Variants in DAB1 observed in about 807,000 individuals in gnomAD.
The protein encoded by DAB1 is DAB adaptor protein 1.
A neutral mutation model predicts 64.6 loss-of-function variants in DAB1; 15 were observed. The observed-to-expected ratio is 0.23, with a 90% CI of 0.16 to 0.36. DAB1 has a LOEUF of 0.36. Ranked by LOEUF, DAB1 falls within the 10% of genes least tolerant of loss-of-function variation. The pLI, the probability that DAB1 is intolerant of heterozygous loss-of-function variation, is 1.00. For synonymous variants in DAB1, 235 were observed against 251.9 expected (o/e 0.93, Z 0.64); for missense variants, 596 against 706.7 (o/e 0.84, Z 1.78).
intron 4 of DAB1, among the ~76,000 whole-genome samples, chr1:57,122,899 T>C (rs1656788853): frequency 6.6e-6 from 1 of 152,108 alleles, no homozygotes; most frequent in African/African-American, 2.4e-5. Context: ...TAATGTGCAT[T>C]CTCTCTCCCT....
chr1:57,210,859 T>C lies in DAB1; in HGVS notation c.68-65430A>G, dbSNP rs184331099. ...AGTTTTCACTGCCTATGCATGTGTA[T>C]GCATGTATATGAATACATCCATACA... On this transcript the variant is annotated intron_variant, in intron 2 of 14. Transcript: ENST00000371236. Among the ~76,000 whole-genome samples the C allele has an allele frequency of 3.9e-5, 6 of 152,380 alleles. No homozygotes were observed. In the East Asian group the frequency reaches 1.2e-3, roughly 29 times the overall value.
chr1:58,422,562 G>A (rs706423), intron 3 of DAB1, among the ~76,000 whole-genome samples: 86,227 of 150,566 alleles, frequency 0.57, 25,381 homozygotes, highest in African/African-American at 0.7. Context: ...TCACGGTCAG[G>A]AAGCTATGTG....
At chr1:58,200,396 A>T (rs1357555230) in intron 4 of DAB1, among the ~76,000 whole-genome samples, 4 of 152,144 alleles carry the variant, frequency 2.6e-5, no homozygotes, top group Non-Finnish European at 5.9e-5. Flanking sequence ...TCCTTTCCAA[A>T]TCTAATACAT....
At chr1:58,339,161 C>T (rs1432306758) in intron 4 of DAB1, among the ~76,000 whole-genome samples, 2 of 151,968 alleles carry the variant, frequency 1.3e-5, no homozygotes, top group Admixed American at 6.6e-5. Flanking sequence ...TATATGAATT[C>T]TATGTAATTT....
chr1:57,357,843 G>C (rs1334085005), intron 1 of DAB1, among the ~76,000 whole-genome samples: 1 of 151,762 alleles, frequency 6.6e-6, no homozygotes, highest in African/African-American at 2.4e-5. Context: ...GTACTGCATG[G>C]GGGTAACCAT....
intron 1 of DAB1, among the ~76,000 whole-genome samples, chr1:57,370,556 G>C (rs1191293751): frequency 6.6e-6 from 1 of 151,626 alleles, no homozygotes; most frequent in African/African-American, 2.4e-5. Context: ...TTATTGGGGT[G>C]AGGGAGAGAA....
chr1:57,771,273 C>T (rs1649548971), intron 6 of DAB1, among the ~76,000 whole-genome samples: 1 of 152,078 alleles, frequency 6.6e-6, no homozygotes, highest in South Asian at 2.1e-4. Flanking sequence ...ATTTGTAATT[C>T]ATAAAAGCTA....
chr1:57,093,170 T>C (rs1354250169), intron 4 of DAB1, among the ~76,000 whole-genome samples: 1 of 152,126 alleles, frequency 6.6e-6, no homozygotes, highest in African/African-American at 2.4e-5. Context: ...TGGACCTGGG[T>C]TCTGGTGGGG....
chr1:58,429,540 A>C (rs1488567706), intron 3 of DAB1, among the ~76,000 whole-genome samples: 1 of 152,192 alleles, frequency 6.6e-6, no homozygotes, highest in Admixed American at 6.5e-5. Flanking sequence ...TGTCAGATGA[A>C]GACTGAGAAG....
intron 3 of DAB1, among the ~76,000 whole-genome samples, chr1:58,494,240 T>C (rs1645753003): frequency 6.6e-6 from 1 of 152,218 alleles, no homozygotes. Context: ...ACTGGATCCC[T>C]TCCTTACACC....
At chr1:57,244,508 A>C (rs76374354) in intron 2 of DAB1, among the ~76,000 whole-genome samples, 1,619 of 152,294 alleles carry the variant, frequency 0.011, 20 homozygotes, top group African/African-American at 0.037. Context: ...AACAGACAAG[A>C]ACAAGGACTG....
At chr1:58,467,616 C>A (rs1210993029) in intron 3 of DAB1, among the ~76,000 whole-genome samples, 1 of 152,102 alleles carries the variant, frequency 6.6e-6, no homozygotes, top group African/African-American at 2.4e-5. Flanking sequence ...GCAGTAAAAG[C>A]CACAATAGAT....
intron 7 of DAB1, among the ~76,000 whole-genome samples, chr1:57,511,706 A>G (rs567102338): frequency 6.6e-6 from 1 of 152,300 alleles, no homozygotes; most frequent in Non-Finnish European, 1.5e-5. Context: ...AATGCCTAGC[A>G]CATAGTGGAA....
intron 5 of DAB1, among the ~76,000 whole-genome samples, chr1:58,038,403 C>T (rs1647080111): frequency 6.6e-6 from 1 of 150,548 alleles, no homozygotes; most frequent in African/African-American, 2.5e-5. Flanking sequence ...TATCTAGGTA[C>T]TTGATTAGAA....
rs531525292 is a variant in DAB1, at chr1:57,802,373, G to A, written n.551+81626C>T. On this transcript the variant is annotated intron_variant and non_coding_transcript_variant, in intron 6 of 20. Coordinates refer to the DAB1 transcript ENST00000485760. ...CAGATTGAGTTCTCTGGAGGAAGAT[G>A]CAGAGACACAATTGGGGTACCAGAT... Among the ~76,000 whole-genome samples, 28 of 152,232 alleles carry A rather than the reference G, an allele frequency of 1.8e-4. No individual in the cohort carries two copies. In the East Asian group the frequency reaches 5.2e-3, roughly 28 times the overall value.
chr1:57,612,210 T>TGTGTGTGTGC (rs1463922717), intron 7 of DAB1, among the ~76,000 whole-genome samples: 1 of 151,866 alleles, frequency 6.6e-6, no homozygotes, highest in Non-Finnish European at 1.5e-5. Flanking sequence ...TGTGTGTGTG[T>TGTGTGTGTGC]GTGTGTGTGC....
rs1449790550 is a variant in DAB1, at chr1:58,492,417, G to C, written n.257+13643C>G. ...GAAGGCAAGAAAATAACTAAGATCA[G>C]AGCAGAACTGAAGGAAATAGAGACA... On this transcript the variant is annotated intron_variant and non_coding_transcript_variant, in intron 3 of 20. Transcript: ENST00000485760. Among the ~76,000 whole-genome samples the C allele has an allele frequency of 3.3e-5, 5 of 152,224 alleles. No homozygotes were observed. The South Asian group carries it at 8.3e-4, about 25-fold the overall frequency.
intron 2 of DAB1, among the ~76,000 whole-genome samples, chr1:57,165,352 T>C (rs1661129599): frequency 6.6e-6 from 1 of 152,154 alleles, no homozygotes; most frequent in Non-Finnish European, 1.5e-5. Flanking sequence ...TCTATAAACA[T>C]GATCTTAATA....
At chr1:57,606,618 A>T (rs111748293) in intron 7 of DAB1, among the ~76,000 whole-genome samples, 6 of 118,972 alleles carry the variant, frequency 5.0e-5, no homozygotes, top group African/African-American at 1.7e-4. Context: ...TGAAATATAT[A>T]ATATATGAAA....
Sources: gnomAD v4.1 joint callset for allele counts (sites outside exome capture counted in the v4.1 genomes callset) on GRCh38, gnomAD v4.1.1 for gene constraint, MANE v1.5 for transcripts, NCBI Gene and HGNC (gene_info 2026-07-23, HGNC 2026-07-21) for gene names.